Variants in CHODL observed in about 807,000 individuals in gnomAD.
CHODL encodes the protein chondrolectin, also known as transmembrane protein MT75.
CHODL carries 29 observed loss-of-function variants against 34.5 expected under a neutral mutation model. The ratio of observed to expected loss-of-function variants is 0.84; its 90% CI spans 0.63 to 1.15. The LOEUF (loss-of-function observed/expected upper bound fraction) is 1.15. CHODL is among the 50% of genes most tolerant of loss of function. The pLI, the probability that CHODL is intolerant of heterozygous loss-of-function variation, is 0.00. For synonymous variants in CHODL, 125 were observed against 116.1 expected (o/e 1.08, Z -0.49); for missense variants, 332 against 332.5 (o/e 1.00, Z 0.01).
chr21:18,245,352 G>C (rs993645841), intron 1 of CHODL, 50 bp downstream of exon 1: 1 of 1,415,480 alleles, frequency 7.1e-7, no homozygotes, highest in Non-Finnish European at 9.4e-7. Context: ...AGGGGACCAC[G>C]GGGCGCGGCG....
chr21:18,245,573 G>C (rs1243507044), intron 1 of CHODL, among the ~76,000 whole-genome samples: 1 of 152,184 alleles, frequency 6.6e-6, no homozygotes, highest in Non-Finnish European at 1.5e-5. Flanking sequence ...GCCTTTTTCA[G>C]GAGTGATTTC....
intron 1 of CHODL, among the ~76,000 whole-genome samples, chr21:17,918,957 T>G (rs1413153485): frequency 6.6e-6 from 1 of 152,156 alleles, no homozygotes; most frequent in Non-Finnish European, 1.5e-5. Context: ...GGCAGTCAAA[T>G]CTTAAGGCCC....
chr21:18,085,049 T>C (rs992942015), intron 2 of CHODL, among the ~76,000 whole-genome samples: 3 of 151,932 alleles, frequency 2.0e-5, no homozygotes, highest in Non-Finnish European at 4.4e-5. Context: ...TATATAATGA[T>C]CTTCTTTTTT....
intron 1 of CHODL, among the ~76,000 whole-genome samples, chr21:17,998,616 A>G (rs983686530): frequency 3.3e-5 from 5 of 152,244 alleles, no homozygotes; most frequent in African/African-American, 1.2e-4. Context: ...CTAAACCTCA[A>G]TCCTTTACTT....
At chr21:17,979,326 G>T (rs2063696169) in intron 1 of CHODL, among the ~76,000 whole-genome samples, 1 of 152,142 alleles carries the variant, frequency 6.6e-6, no homozygotes, top group Non-Finnish European at 1.5e-5. Flanking sequence ...GTAAGTAAAA[G>T]ATTCCCTCTT....
chr21:18,081,984 G>A (rs753150887), intron 2 of CHODL, among the ~76,000 whole-genome samples: 10 of 152,030 alleles, frequency 6.6e-5, no homozygotes, highest in Admixed American at 2.0e-4. Flanking sequence ...TTAACCATCC[G>A]TACATCTCTG....
intron 2 of CHODL, among the ~76,000 whole-genome samples, chr21:18,190,394 GA>G (rs1461469679): frequency 1.3e-5 from 2 of 152,046 alleles, no homozygotes; most frequent in African/African-American, 4.8e-5. Context: ...CTGTTTGTGG[GA>G]AAAAAATTGA....
chr21:18,236,723 A>T (rs1013376801), intron 2 of CHODL, among the ~76,000 whole-genome samples: 2 of 152,126 alleles, frequency 1.3e-5, no homozygotes, highest in African/African-American at 2.4e-5. Flanking sequence ...AAATCTCAAT[A>T]ATTTTGACAT....
intron 1 of CHODL, among the ~76,000 whole-genome samples, chr21:17,948,671 G>A (rs1466857605): frequency 2.0e-5 from 3 of 152,170 alleles, no homozygotes; most frequent in African/African-American, 7.2e-5. Flanking sequence ...TGGATAAATT[G>A]CTGGACACAT....
chr21:18,227,355 A>G (rs2073940068), intron 2 of CHODL, among the ~76,000 whole-genome samples: 1 of 152,176 alleles, frequency 6.6e-6, no homozygotes, highest in Non-Finnish European at 1.5e-5. Context: ...CTGCTATGAA[A>G]CCAAGATTCT....
At chr21:17,978,503 G>C (rs993761980) in intron 1 of CHODL, among the ~76,000 whole-genome samples, 27 of 151,502 alleles carry the variant, frequency 1.8e-4, no homozygotes, top group African/African-American at 6.5e-4. Flanking sequence ...CGGATCATAA[G>C]GTCAGGAGAT....
chr21:18,242,583 CAAAA>C (rs879583521), upstream of CHODL, among the ~76,000 whole-genome samples: 1 of 151,330 alleles, frequency 6.6e-6, no homozygotes, highest in Non-Finnish European at 1.5e-5. Context: ...GAGACACAAA[CAAAA>C]AAAGCTGTTC....
chr21:18,187,711 T>C (rs1191084707), intron 2 of CHODL, among the ~76,000 whole-genome samples: 1 of 152,212 alleles, frequency 6.6e-6, no homozygotes, highest in South Asian at 2.1e-4. Flanking sequence ...ATCTCTGTTC[T>C]ATTGCAAATC....
At chr21:18,066,530 G>A (rs2064734023) in intron 2 of CHODL, among the ~76,000 whole-genome samples, 1 of 152,172 alleles carries the variant, frequency 6.6e-6, no homozygotes, top group Non-Finnish European at 1.5e-5. Context: ...TTGGGACAGG[G>A]ATAGAGAAAA....
chr21:18,213,879 A>G (rs1184693832), intron 2 of CHODL, among the ~76,000 whole-genome samples: 1 of 152,100 alleles, frequency 6.6e-6, no homozygotes, highest in Non-Finnish European at 1.5e-5. Flanking sequence ...GGCAGTCACT[A>G]TCCCCACCAG....
chr21:17,980,237 G>A (rs2063703477), intron 1 of CHODL, among the ~76,000 whole-genome samples: 1 of 151,972 alleles, frequency 6.6e-6, no homozygotes, highest in Admixed American at 6.6e-5. Flanking sequence ...GAGCTTTTGG[G>A]CATTTATTTT....
intron 2 of CHODL, among the ~76,000 whole-genome samples, chr21:18,060,558 G>A (rs925213755): frequency 1.3e-5 from 2 of 151,734 alleles, no homozygotes; most frequent in African/African-American, 4.8e-5. Flanking sequence ...ACCCATCAGG[G>A]CAGTCCACAG....
At chr21:18,032,984 T>A (rs2146442189) in intron 2 of CHODL, among the ~76,000 whole-genome samples, 1 of 152,200 alleles carries the variant, frequency 6.6e-6, no homozygotes, top group African/African-American at 2.4e-5. Flanking sequence ...CTCATAAGCT[T>A]ACATCATGGA....
chr21:18,091,193 T>C (rs910264992), intron 2 of CHODL, among the ~76,000 whole-genome samples: 4 of 152,206 alleles, frequency 2.6e-5, no homozygotes, highest in African/African-American at 9.6e-5. Context: ...ATCCCAGCAA[T>C]TGGAACTTCA....
Sources: allele counts gnomAD v4.1 joint callset (sites outside exome capture counted in the v4.1 genomes callset), GRCh38; gene constraint gnomAD v4.1.1; transcripts MANE v1.5; gene names NCBI Gene and HGNC (gene_info 2026-07-23, HGNC 2026-07-21).